GALNT17: variants seen among roughly 807,000 people sequenced by gnomAD.
The protein encoded by GALNT17 is polypeptide N-acetylgalactosaminyltransferase 17.
A neutral mutation model predicts 63.7 loss-of-function variants in GALNT17; 29 were observed. That is an observed-to-expected ratio of 0.46 (90% CI 0.34 to 0.62). The LOEUF (loss-of-function observed/expected upper bound fraction) is 0.62. Among genes scored for constraint, GALNT17 ranks in the 20% least tolerant of loss-of-function variants. The pLI is 0.01. For missense variants in GALNT17, 603 were observed against 799.6 expected, an observed-to-expected ratio of 0.75 and a Z score of 2.97; for synonymous variants, 305 against 318.3, an observed-to-expected ratio of 0.96 and a Z score of 0.45.
intron 6 of GALNT17, among the ~76,000 whole-genome samples, chr7:71,658,691 C>T (rs981786573): frequency 2.6e-5 from 4 of 152,072 alleles, no homozygotes; most frequent in African/African-American, 9.7e-5. Context: ...AGTTCAAGAC[C>T]GGTCTGGCCA....
intron 5 of GALNT17, among the ~76,000 whole-genome samples, chr7:71,493,692 G>T (rs1788048265): frequency 6.6e-6 from 1 of 152,116 alleles, no homozygotes; most frequent in Non-Finnish European, 1.5e-5. Context: ...AGAATGATGG[G>T]AGCTTCAATT....
chr7:71,555,144 C>A (rs1789141560), intron 5 of GALNT17, among the ~76,000 whole-genome samples: 1 of 152,094 alleles, frequency 6.6e-6, no homozygotes, highest in South Asian at 2.1e-4. Context: ...GGGAAGGCAC[C>A]AAACCATTCA....
chr7:71,494,918 A>G (rs1788070242), intron 5 of GALNT17, among the ~76,000 whole-genome samples: 2 of 152,166 alleles, frequency 1.3e-5, no homozygotes, highest in Non-Finnish European at 2.9e-5. Flanking sequence ...CACTACCACA[A>G]GAACAGTATG....
chr7:71,666,398 A>T (rs1026549706), intron 7 of GALNT17, among the ~76,000 whole-genome samples: 1 of 150,178 alleles, frequency 6.7e-6, no homozygotes, highest in African/African-American at 2.4e-5. Flanking sequence ...GGCAGCACAA[A>T]ATTTTTTTAA....
At chr7:71,272,565 G>T (rs1790612752) in intron 1 of GALNT17, among the ~76,000 whole-genome samples, 2 of 152,080 alleles carry the variant, frequency 1.3e-5, no homozygotes, top group South Asian at 4.2e-4. Context: ...ACATGGAAGG[G>T]CAGGAATGTC....
intron 2 of GALNT17, among the ~76,000 whole-genome samples, chr7:71,379,913 G>T (rs1038572162): frequency 2.6e-5 from 4 of 152,024 alleles, no homozygotes; most frequent in African/African-American, 9.7e-5. Flanking sequence ...AAAAGAAGGA[G>T]CTTAAGGATT....
chr7:71,277,774 T>A (rs1291341875), intron 1 of GALNT17, among the ~76,000 whole-genome samples: 1 of 152,170 alleles, frequency 6.6e-6, no homozygotes, highest in Non-Finnish European at 1.5e-5. Flanking sequence ...GGAGGAATAA[T>A]GATTATTGCA....
intron 5 of GALNT17, among the ~76,000 whole-genome samples, chr7:71,464,282 T>A (rs983495445): frequency 1.3e-5 from 2 of 152,044 alleles, no homozygotes; most frequent in Non-Finnish European, 2.9e-5. Flanking sequence ...ATTAGGGGAT[T>A]TTCTCAAACC....
intron 4 of GALNT17, among the ~76,000 whole-genome samples, chr7:71,417,549 G>A (rs535241800): frequency 2.0e-5 from 3 of 152,208 alleles, no homozygotes; most frequent in South Asian, 2.1e-4. Context: ...AGAACTTGTC[G>A]GAAATGCAAA....
chr7:71,429,281 G>A (rs907207967), intron 5 of GALNT17, among the ~76,000 whole-genome samples: 2 of 152,146 alleles, frequency 1.3e-5, no homozygotes, highest in African/African-American at 2.4e-5. Flanking sequence ...GGAGGCGTGG[G>A]TGGGCTAAGG....
rs546147868 is a variant in GALNT17 at position 71,695,514 on chromosome 7, A to T, written c.1501-15247A>T. Among the ~76,000 whole-genome samples, 4 of 152,250 alleles carry T rather than the reference A, an allele frequency of 2.6e-5. No homozygotes were observed. In the South Asian group the frequency reaches 8.3e-4, roughly 32 times the overall value. ...TTTCTAAGCTCCCATATATATTTTTAAATCAACTATATGGAAGCGTAAGGT... is the reference window on the plus strand; with the variant it reads ...TTTCTAAGCTCCCATATATATTTTTTAATCAACTATATGGAAGCGTAAGGT... On this transcript the variant is annotated intron_variant, in intron 9 of 10. Coordinates refer to ENST00000333538, the MANE Select transcript of GALNT17 (RefSeq NM_022479.3).
At chr7:71,308,536 C>T (rs1466411799) in intron 1 of GALNT17, among the ~76,000 whole-genome samples, 2 of 152,060 alleles carry the variant, frequency 1.3e-5, no homozygotes, top group Non-Finnish European at 2.9e-5. Context: ...TCTTCAGCAT[C>T]CTCTCTTTGT....
At chr7:71,706,646 A>C (rs950920478) in intron 9 of GALNT17, among the ~76,000 whole-genome samples, 1 of 152,126 alleles carries the variant, frequency 6.6e-6, no homozygotes, top group Admixed American at 6.6e-5. Context: ...TGCTTCTAAC[A>C]ATGACTTTGA....
chr7:71,494,603 C>G (rs1229333065), intron 5 of GALNT17, among the ~76,000 whole-genome samples: 1 of 152,148 alleles, frequency 6.6e-6, no homozygotes, highest in East Asian at 1.9e-4. Context: ...AAGTAACTCT[C>G]CTGCCTTGGC....
At chr7:71,348,391 G>C (rs1792132278) in intron 2 of GALNT17, among the ~76,000 whole-genome samples, 1 of 152,202 alleles carries the variant, frequency 6.6e-6, no homozygotes, top group Non-Finnish European at 1.5e-5. Context: ...CTTGGAACTT[G>C]AAAGTATTCT....
At chr7:71,627,238 A>T (rs1790387729) in intron 6 of GALNT17, among the ~76,000 whole-genome samples, 1 of 152,164 alleles carries the variant, frequency 6.6e-6, no homozygotes, top group African/African-American at 2.4e-5. Flanking sequence ...AAATATGTAT[A>T]TGAGAAAGGG....
intron 4 of GALNT17, among the ~76,000 whole-genome samples, chr7:71,417,802 A>G (rs899416150): frequency 2.6e-5 from 4 of 152,144 alleles, no homozygotes; most frequent in Non-Finnish European, 4.4e-5. Flanking sequence ...CTGAAAGGAC[A>G]TGGCCCCGAC....
intron 1 of GALNT17, among the ~76,000 whole-genome samples, chr7:71,217,367 T>C (rs1473397321): frequency 6.6e-6 from 1 of 152,098 alleles, no homozygotes; most frequent in Non-Finnish European, 1.5e-5. Context: ...TAACCCACTT[T>C]TGTATTTTAG....
chr7:71,688,366 C>A (rs1485451178), intron 9 of GALNT17, among the ~76,000 whole-genome samples: 1 of 152,186 alleles, frequency 6.6e-6, no homozygotes, highest in African/African-American at 2.4e-5. Flanking sequence ...CGTCCATCAG[C>A]CTGTGTGTAC....
Sources: gnomAD v4.1 joint callset for allele counts (sites outside exome capture counted in the v4.1 genomes callset) on GRCh38, gnomAD v4.1.1 for gene constraint, MANE v1.5 for transcripts, NCBI Gene and HGNC (gene_info 2026-07-23, HGNC 2026-07-21) for gene names.